Variants in HSPA1L observed in about 807,000 individuals in gnomAD.
The protein encoded by HSPA1L is heat shock 70 kDa protein 1-like.
In HSPA1L, 21 loss-of-function variants were observed where a neutral mutation model predicts 31.5. The ratio of observed to expected loss-of-function variants is 0.67; its 90% confidence interval spans 0.47 to 0.96. The LOEUF is 0.96. Ranked by LOEUF, HSPA1L falls within the 40% of genes least tolerant of loss-of-function variation. The pLI is 0.00. For synonymous variants in HSPA1L, 293 were observed against 323.1 expected, an observed-to-expected ratio of 0.91 and a Z score of 1.00; for missense variants, 709 against 813.4, an observed-to-expected ratio of 0.87 and a Z score of 1.56.
At position 31,810,774 on chromosome 6, in the gene HSPA1L, G is replaced by A. The variant is rs1267735516; in HGVS notation, c.1199C>T (p.Pro400Leu). 2 of 1,614,022 alleles carry A rather than the reference G, an allele frequency of 1.2e-6. No homozygotes were observed. The highest frequency in any genetic ancestry group is 1.7e-6 in the Non-Finnish European group (2 of 1,180,030). The change falls in exon 2 of 2, where the codon CCC becomes CTC. Residue 400 changes from proline to leucine, a missense_variant. Transcript: ENST00000375654. The stretch of plus-strand genomic sequence containing the variant: ...AGCCGTCTCCAGCCCCAGGGACAGG[G>A]GAGCCACGTCCAGCAGCAGCAGGTC... ...VQDLLLLDVAPLSLGLETAGG... is the reference protein window; with the variant it reads ...VQDLLLLDVALLSLGLETAGG...
In HSPA1L at chr6:31,810,183, T is replaced by C. The variant is rs1412339351; in HGVS notation, c.1790A>G (p.Lys597Arg). 6.5e-7 allele frequency: 1 copy of C among 1,529,318 alleles called. No individual in the cohort carries two copies. 94.7% of individuals were successfully genotyped at this position (1,529,318 alleles called of 1,614,324 possible). A position where few individuals can be genotyped will look rare whatever the true frequency, so the allele number is the denominator to read the frequency against. Reference protein sequence around the residue: ...QLAEKDEFDHKRKELEQMCNP... With the variant: ...QLAEKDEFDHRRKELEQMCNP... ...ACACATCTGCTCCAATTCCTTTCTC[T>C]TATGATCAAACTCATCTTTCTCTGC... The change falls in exon 2 of 2, where the codon AAG (lysine) becomes AGG (arginine). Residue 597 changes from lysine (K) to arginine (R), a missense_variant. Lys to Arg is a conservative substitution (Grantham distance 26). Transcript: ENST00000375654.
rs139384991 is a variant in HSPA1L, at chr6:31,810,781, C to T, written c.1192G>A (p.Val398Met). The change falls in exon 2 of 2, where the codon GTG (valine) becomes ATG (methionine). Residue 398 changes from valine to methionine, a missense_variant. Physicochemically the swap from Val to Met is conservative, Grantham distance 21. Transcript: ENST00000375654. ...EKVQDLLLLD[V>M]APLSLGLETA... ...TCCAGCCCCAGGGACAGGGGAGCCA[C>T]GTCCAGCAGCAGCAGGTCCTGTACC... The T allele has an allele frequency of 1.7e-5, 28 of 1,614,144 alleles. No homozygotes were observed. The African/African-American group carries it at 2.0e-4, about 12-fold the overall frequency.
rs756216078 is a variant in HSPA1L, at chr6:31,810,721, G to A, written c.1252C>T (p.Arg418Cys). 1.7e-5 allele frequency: 27 copies of A among 1,614,038 alleles called. No homozygotes were observed. The highest frequency in any genetic ancestry group is 3.3e-4 in the Middle Eastern group (2 of 6,062). Residue 418 changes from arginine to cysteine, a missense_variant, in exon 2 of 2, where the codon CGC becomes TGC. Transcript: ENST00000375654. Reference protein sequence around the residue: ...AGGVMTALIKRNSTIPTKQTQ... With the variant: ...AGGVMTALIKCNSTIPTKQTQ... ...TGCTTGGTGGGGATGGTGGAGTTGCGCTTTATCAGGGCAGTCATCACGCCC... is the reference window on the plus strand; with the variant it reads ...TGCTTGGTGGGGATGGTGGAGTTGCACTTTATCAGGGCAGTCATCACGCCC...
In HSPA1L at chr6:31,811,213, C is replaced by T. The variant is rs1815388792; in HGVS notation, c.760G>A (p.Asp254Asn). The T allele has an allele frequency of 6.2e-7, 1 of 1,614,070 alleles. No individual in the cohort carries two copies. The highest frequency in any genetic ancestry group is 8.5e-7 in the Non-Finnish European group (1 of 1,180,050). Residue 254 changes from aspartate (D) to asparagine (N), a missense_variant, in exon 2 of 2, where the codon GAC becomes AAC. Coordinates refer to ENST00000375654, the MANE Select transcript of HSPA1L (RefSeq NM_005527.4). ...ACGGCTCGCTTGTTCTGGCTGATGTCCTTTTTGTGTTTCCTCTTGAACTCC... is the reference window on the plus strand; with the variant it reads ...ACGGCTCGCTTGTTCTGGCTGATGTTCTTTTTGTGTTTCCTCTTGAACTCC... ...VEEFKRKHKK[D>N]ISQNKRAVRR... is the part of the protein sequence containing the mutation.
intron 1 of HSPA1L, 31 bp from the exon 2 acceptor site, chr6:31,812,016 G>T: frequency 1.9e-6 from 3 of 1,593,464 alleles, no homozygotes; most frequent in Non-Finnish European, 2.6e-6. Flanking sequence ...ACTGTTTTGG[G>T]AGAGTGCTTT....
rs1340921446 is a variant in HSPA1L at position 31,815,071 on chromosome 6, G to A, written c.-196C>T. ...ATCTTTTTCCAAACTGGCCCATGAGGTCAGAGACAGTATCTCCATTGTAAC... is the reference window on the plus strand; with the variant it reads ...ATCTTTTTCCAAACTGGCCCATGAGATCAGAGACAGTATCTCCATTGTAAC... On this transcript the variant is annotated 5_prime_UTR_variant, in exon 1 of 2. Transcript: ENST00000375654. 1.0e-6 allele frequency: 1 copy of A among 980,712 alleles called. No individual in the cohort carries two copies. The highest frequency in any genetic ancestry group is 1.8e-5 in the African/African-American group (1 of 55,640). 60.8% of individuals were successfully genotyped at this position (980,712 alleles called of 1,614,324 possible).
chr6:31,811,944 C>G lies in HSPA1L; in HGVS notation c.29G>C (p.Gly10Ala). 2 of 1,614,172 alleles carry G rather than the reference C, an allele frequency of 1.2e-6. No individual in the cohort carries two copies. The highest frequency in any genetic ancestry group is 1.7e-6 in the Non-Finnish European group (2 of 1,180,040). MATAKGIAI[G>A]IDLGTTYSCV... ...GGAGTAGGTGGTGCCCAGGTCGATG[C>G]CTATGGCGATTCCCTTGGCAGTAGC... Residue 10 changes from glycine (G) to alanine (A), a missense_variant, in exon 2 of 2, where the codon GGC (glycine) becomes GCC (alanine). By Grantham distance (60) the Gly-to-Ala change is moderately conservative. Coordinates refer to ENST00000375654, the MANE Select transcript of HSPA1L (RefSeq NM_005527.4).
Position 31,815,007 on chromosome 6 carries a change from C to A in HSPA1L, c.-132G>T. ...ACCGGGGTCCCCCCACCCCCCACCC[C>A]GTCCCTCCCTGCAAATTTGAGACGG... On this transcript the variant is annotated 5_prime_UTR_variant, in exon 1 of 2. Coordinates refer to ENST00000375654, the MANE Select transcript of HSPA1L (RefSeq NM_005527.4). The A allele has an allele frequency of 2.5e-6, 1 of 402,392 alleles. No individual in the cohort carries two copies. The highest frequency in any genetic ancestry group is 2.3e-5 in the African/African-American group (1 of 42,746). The allele number at this position is 402,392 out of a possible 1,614,324, so 24.9% of individuals were successfully genotyped here.
In HSPA1L at chr6:31,811,203, T is replaced by G. The variant is rs200543237; in HGVS notation, c.770A>C (p.Gln257Pro). 4.5e-5 allele frequency: 72 copies of G among 1,614,126 alleles called. No homozygotes were observed. The highest frequency in any genetic ancestry group is 6.7e-5 in the Admixed American group (4 of 60,014). The change falls in exon 2 of 2, where the codon CAG becomes CCG. Residue 257 changes from glutamine (Q) to proline (P), a missense_variant. Coordinates refer to ENST00000375654, the MANE Select transcript of HSPA1L (RefSeq NM_005527.4). The stretch of plus-strand genomic sequence containing the variant: ...CAGCCGCCTCACGGCTCGCTTGTTC[T>G]GGCTGATGTCCTTTTTGTGTTTCCT... ...FKRKHKKDISQNKRAVRRLRT... is the reference protein window; with the variant it reads ...FKRKHKKDISPNKRAVRRLRT...
At chr6:31,812,058 T>C in intron 1 of HSPA1L, 73 bp from the exon 2 acceptor site, 1 of 1,497,174 alleles carries the variant, frequency 6.7e-7, no homozygotes, top group Non-Finnish European at 8.9e-7. Context: ...AGACAGGGTC[T>C]TCCTCTGTCA....
chr6:31,812,319 C>A (rs1339131893), intron 1 of HSPA1L, among the ~76,000 whole-genome samples: 1 of 151,960 alleles, frequency 6.6e-6, no homozygotes, highest in Non-Finnish European at 1.5e-5. Context: ...AGGGCACCAC[C>A]ACGCCCAGCT....
chr6:31,815,142 G>C lies in HSPA1L; in HGVS notation c.-267C>G, dbSNP rs1562348080. ...CAAACGCCCCCACCCTCCCCTGGAC[G>C]CGCGTAACCCGCTCCCCGCACCAGC... On this transcript the variant is annotated 5_prime_UTR_variant, in exon 1 of 2. Transcript: ENST00000375654. 2.2e-6 allele frequency: 1 copy of C among 451,960 alleles called. No homozygotes were observed. The highest frequency in any genetic ancestry group is 3.0e-6 in the Non-Finnish European group (1 of 336,896). The allele number at this position is 451,960 out of a possible 1,614,324, so 28.0% of individuals were successfully genotyped here. A position where few individuals can be genotyped will look rare whatever the true frequency, so the allele number is the denominator to read the frequency against.
In HSPA1L at chr6:31,811,852, G is replaced by A. The variant is rs767593530; in HGVS notation, c.121C>T (p.Pro41Ser). The change falls in exon 2 of 2, where the codon CCC becomes TCC. Residue 41 changes from proline to serine, a missense_variant. Transcript: ENST00000375654. ...GTGTCTGTGAAGGCCACGTAGCTGG[G>A]GGTGGTGCGGTTGCCCTGGTCGTTG... ...IANDQGNRTT[P>S]SYVAFTDTER... 2 of 1,614,152 alleles carry A rather than the reference G, an allele frequency of 1.2e-6. No homozygotes were observed. The highest frequency in any genetic ancestry group is 1.1e-5 in the South Asian group (1 of 91,080).
In HSPA1L at chr6:31,811,369, G is replaced by C. The variant is rs1815403798; in HGVS notation, c.604C>G (p.Leu202Val). 2.5e-6 allele frequency: 4 copies of C among 1,614,152 alleles called. No individual in the cohort carries two copies. The highest frequency in any genetic ancestry group is 3.4e-6 in the Non-Finnish European group (4 of 1,180,046). Residue 202 changes from leucine (L) to valine (V), a missense_variant, in exon 2 of 2, where the codon CTG becomes GTG. Leu to Val is a conservative substitution (Grantham distance 32). Coordinates refer to ENST00000375654, the MANE Select transcript of HSPA1L (RefSeq NM_005527.4). ...QGERHVLIFD[L>V]GGGTFDVSIL... ...GACACATCAAATGTGCCTCCACCCA[G>C]ATCAAAAATCAGGACATGTCGTTCT...
rs1402066769 is a variant in HSPA1L at position 31,811,588 on chromosome 6, A to C, written c.385T>G (p.Leu129Val). The change falls in exon 2 of 2, where the codon TTG (leucine) becomes GTG (valine). Residue 129 changes from leucine to valine, a missense_variant. Transcript: ENST00000375654. ...AAAAAGGCCTCAGCAGTCTCCTTCA[A>C]CTTAGTCAATACCATCGAAGAGATT... ...EEISSMVLTK[L>V]KETAEAFLGH... 3 of 1,613,988 alleles carry C rather than the reference A, an allele frequency of 1.9e-6. No individual in the cohort carries two copies. The highest frequency in any genetic ancestry group is 1.6e-4 in the Middle Eastern group (1 of 6,084).
chr6:31,810,662 T>C lies in HSPA1L; in HGVS notation c.1311A>G (p.Gln437=). The C allele has an allele frequency of 1.2e-6, 2 of 1,613,844 alleles. No homozygotes were observed. Among genetic ancestry groups the C allele is most frequent in the Non-Finnish European group, 1.7e-6 (2 of 1,179,968 alleles). ...TQIFTTYSDN[Q]PGVLIQVYEG... ...CATACACCTGGATCAGCACCCCGGG[T>C]TGGTTGTCAGAGTAGGTGGTGAAAA... The change falls in exon 2 of 2, where the codon CAA becomes CAG. Residue 437 remains glutamine, a synonymous_variant. Coordinates refer to ENST00000375654, the MANE Select transcript of HSPA1L (RefSeq NM_005527.4).
At chr6:31,812,022 G>T in intron 1 of HSPA1L, 37 bp from the exon 2 acceptor site, 1 of 1,579,126 alleles carries the variant, frequency 6.3e-7, no homozygotes, top group Non-Finnish European at 8.6e-7. Context: ...TTGGGAGAGT[G>T]CTTTTCAATG....
chr6:31,810,976 T>A lies in HSPA1L; in HGVS notation c.997A>T (p.Ile333Phe). 1 of 1,614,138 alleles carries A rather than the reference T, an allele frequency of 6.2e-7. No homozygotes were observed. Among genetic ancestry groups the A allele is most frequent in the East Asian group, 2.2e-5 (1 of 44,888 alleles). Residue 333 changes from isoleucine to phenylalanine, a missense_variant, in exon 2 of 2, where the codon ATC (isoleucine) becomes TTC (phenylalanine). Ile to Phe is a conservative substitution (Grantham distance 21). Coordinates refer to ENST00000375654, the MANE Select transcript of HSPA1L (RefSeq NM_005527.4). ...CCCCCTACTAAAACAATGTCATGGA[T>A]TTTAGCCTTATCCATCTTGGCATCC... ...LRDAKMDKAK[I>F]HDIVLVGGST... is the part of the protein sequence containing the mutation.
Position 31,815,224 on chromosome 6 carries a change from G to A in HSPA1L, c.-349C>T, listed in dbSNP as rs564099149. The stretch of plus-strand genomic sequence containing the variant: ...CCCCCACAATTAAAAGCCCAGCGCC[G>A]ACCCTTCCTGTCAATTAGGCGCTGA... On this transcript the variant is annotated 5_prime_UTR_variant, in exon 1 of 2. Coordinates refer to ENST00000375654, the MANE Select transcript of HSPA1L (RefSeq NM_005527.4). Among the ~76,000 whole-genome samples, 1 of 151,934 alleles carries A rather than the reference G, an allele frequency of 6.6e-6. No homozygotes were observed. The highest frequency in any genetic ancestry group is 6.6e-5 in the Admixed American group (1 of 15,258).
Sources: gnomAD v4.1 joint callset for allele counts (sites outside exome capture counted in the v4.1 genomes callset) on GRCh38, gnomAD v4.1.1 for gene constraint, MANE v1.5 for transcripts, NCBI Gene and HGNC (gene_info 2026-07-23, HGNC 2026-07-21) for gene names.